Variants in EPHA6 observed in about 807,000 individuals in gnomAD.
EPHA6 encodes the protein ephrin type-A receptor 6.
Under a neutral mutation model 112.0 loss-of-function variants are expected in EPHA6, and 50 were observed. The ratio of observed to expected loss-of-function variants is 0.45; its 90% CI spans 0.36 to 0.56. EPHA6 has a LOEUF of 0.56. EPHA6 is among the 20% of genes least tolerant of loss of function. The probability of loss-of-function intolerance (pLI) is 0.00; values close to 1 mark genes in which losing one functional copy is unlikely to be tolerated. For synonymous variants in EPHA6, 529 were observed against 490.7 expected (o/e 1.08, Z -1.03); for missense variants, 1,280 against 1,417.4 (o/e 0.90, Z 1.56).
At chr3:97,424,498 C>A (rs1031735300) in intron 6 of EPHA6, among the ~76,000 whole-genome samples, 1 of 151,944 alleles carries the variant, frequency 6.6e-6, no homozygotes, top group African/African-American at 2.4e-5. Context: ...TGCCTATGAG[C>A]GTGAAAAATC....
intron 10 of EPHA6, among the ~76,000 whole-genome samples, chr3:97,523,876 A>T (rs2092580966): frequency 6.6e-6 from 1 of 151,888 alleles, no homozygotes; most frequent in African/African-American, 2.4e-5. Context: ...AAGCATAATC[A>T]CCTCACTCTG....
At chr3:97,392,011 G>A (rs943828420) in intron 5 of EPHA6, among the ~76,000 whole-genome samples, 1 of 151,700 alleles carries the variant, frequency 6.6e-6, no homozygotes, top group African/African-American at 2.4e-5. Flanking sequence ...AAGCTTCATG[G>A]TTTAAGACAC....
chr3:97,120,739 A>G (rs767369376), intron 3 of EPHA6, among the ~76,000 whole-genome samples: 7 of 151,938 alleles, frequency 4.6e-5, no homozygotes, highest in Non-Finnish European at 7.4e-5. Context: ...CCATGACTCT[A>G]TGGTCTGGTG....
intron 16 of EPHA6, among the ~76,000 whole-genome samples, chr3:97,745,931 C>T (rs962513360): frequency 2.0e-5 from 3 of 151,782 alleles, no homozygotes; most frequent in Non-Finnish European, 4.4e-5. Flanking sequence ...GGTTATATAG[C>T]ATGTATATGC....
chr3:97,726,605 T>C (rs1163567873), intron 15 of EPHA6, among the ~76,000 whole-genome samples: 2 of 152,146 alleles, frequency 1.3e-5, no homozygotes, highest in Non-Finnish European at 2.9e-5. Flanking sequence ...CTTGAAAGTG[T>C]ATAGCCCCTT....
chr3:97,041,897 C>T (rs2045329328), intron 3 of EPHA6, among the ~76,000 whole-genome samples: 1 of 152,044 alleles, frequency 6.6e-6, no homozygotes, highest in African/African-American at 2.4e-5. Flanking sequence ...AATCACCTCC[C>T]CTTAGGCCCC....
intron 3 of EPHA6, among the ~76,000 whole-genome samples, chr3:97,131,207 T>C (rs2048327987): frequency 6.6e-6 from 1 of 152,118 alleles, no homozygotes; most frequent in African/African-American, 2.4e-5. Flanking sequence ...AAGTCTACAT[T>C]ATATGAATGT....
chr3:97,575,478 C>T (rs2093373702), intron 11 of EPHA6, among the ~76,000 whole-genome samples: 1 of 152,074 alleles, frequency 6.6e-6, no homozygotes, highest in Non-Finnish European at 1.5e-5. Flanking sequence ...CAAAGTAAAA[C>T]TACTCATTTC....
intron 14 of EPHA6, among the ~76,000 whole-genome samples, chr3:97,672,712 C>T (rs574736631): frequency 6.6e-6 from 1 of 152,150 alleles, no homozygotes; most frequent in East Asian, 1.9e-4. Flanking sequence ...GAAATAATCC[C>T]TTTGAACATA....
chr3:97,223,594 A>G (rs1026282068), intron 3 of EPHA6, among the ~76,000 whole-genome samples: 2 of 152,190 alleles, frequency 1.3e-5, no homozygotes, highest in Non-Finnish European at 2.9e-5. Flanking sequence ...CTTGGGAGGC[A>G]GTTATCAAGG....
chr3:97,515,881 T>A (rs1164653385), intron 10 of EPHA6, among the ~76,000 whole-genome samples: 1 of 151,694 alleles, frequency 6.6e-6, no homozygotes, highest in Non-Finnish European at 1.5e-5. Flanking sequence ...TGAAAAAAAA[T>A]GATGTTTTTT....
Position 97,759,299 on chromosome 3 carries a change from A to C in EPHA6, c.*10598A>C, listed in dbSNP as rs561103622. Among the ~76,000 whole-genome samples the C allele has an allele frequency of 6.6e-6, 1 of 152,068 alleles. No individual in the cohort carries two copies. The highest frequency in any genetic ancestry group is 2.1e-4 in the South Asian group (1 of 4,826). ...TCAACTATCAACTATGAAATAGTGG[A>C]GTCAAATCCCAACTGACATGGATTA... On this transcript the variant is annotated 3_prime_UTR_variant, in exon 18 of 18. Transcript: ENST00000389672.
At chr3:97,074,686 T>C (rs185378509) in intron 3 of EPHA6, among the ~76,000 whole-genome samples, 9 of 152,162 alleles carry the variant, frequency 5.9e-5, no homozygotes, top group Non-Finnish European at 1.0e-4. Flanking sequence ...CCAAGGATAT[T>C]TTTTGTTCTG....
intron 2 of EPHA6, among the ~76,000 whole-genome samples, chr3:96,903,577 T>C (rs948452132): frequency 1.1e-4 from 17 of 152,200 alleles, no homozygotes; most frequent in Admixed American, 2.6e-4. Context: ...AAAATGCTCA[T>C]TAAGAAGTTT....
chr3:97,304,793 A>T (rs971759679), intron 5 of EPHA6, among the ~76,000 whole-genome samples: 1 of 152,060 alleles, frequency 6.6e-6, no homozygotes, highest in African/African-American at 2.4e-5. Context: ...GCCCCAGAAG[A>T]AAATGTAGGC....
At chr3:96,972,358 A>G (rs2042345768) in intron 2 of EPHA6, among the ~76,000 whole-genome samples, 1 of 152,028 alleles carries the variant, frequency 6.6e-6, no homozygotes, top group East Asian at 1.9e-4. Context: ...GTCTTACAGC[A>G]TGTAATTAAC....
At chr3:97,009,603 C>T (rs903127927) in intron 3 of EPHA6, among the ~76,000 whole-genome samples, 4 of 152,252 alleles carry the variant, frequency 2.6e-5, no homozygotes, top group Non-Finnish European at 4.4e-5. Context: ...GCTTAGACAG[C>T]AGGCAGCTGC....
intron 4 of EPHA6, among the ~76,000 whole-genome samples, chr3:97,240,435 T>C (rs1559820624): frequency 6.6e-6 from 1 of 151,926 alleles, no homozygotes; most frequent in Non-Finnish European, 1.5e-5. Flanking sequence ...TAGCTTAATA[T>C]GCAATTGTCT....
intron 2 of EPHA6, among the ~76,000 whole-genome samples, chr3:96,882,768 G>GTGTATATATA (rs774521290): frequency 4.0e-5 from 6 of 148,900 alleles, no homozygotes; most frequent in Admixed American, 2.0e-4. Flanking sequence ...GTGTGTGTGT[G>GTGTATATATA]TATAGTCAAT....
Sources: gnomAD v4.1 joint callset for allele counts (sites outside exome capture counted in the v4.1 genomes callset) on GRCh38, gnomAD v4.1.1 for gene constraint, MANE v1.5 for transcripts, NCBI Gene and HGNC (gene_info 2026-07-23, HGNC 2026-07-21) for gene names.